SMAD4: variants seen among roughly 807,000 people sequenced by gnomAD.
The protein encoded by SMAD4 is SMAD family member 4.
SMAD4 carries 7 observed loss-of-function variants against 63.2 expected under a neutral mutation model. That is an observed-to-expected ratio of 0.11 (90% CI 0.06 to 0.21). The LOEUF is 0.21. Ranked by LOEUF, SMAD4 falls within the 10% of genes least tolerant of loss-of-function variation. SMAD4 has a pLI of 1.00. For missense variants in SMAD4, 312 were observed against 693.8 expected (o/e 0.45, Z 6.18); for synonymous variants, 215 against 235.4 (o/e 0.91, Z 0.79).
Position 51,058,462 on chromosome 18 carries a change from C to A in SMAD4, c.904+6C>A, listed in dbSNP as rs1909906368. On this transcript the variant is annotated splice_donor_region_variant and intron_variant, in intron 7 of 11. Transcript: ENST00000342988. ...GCCCCATCCCGGACATTACTGTAAG[C>A]TCTTGTTTTTGTTGTAAGGGCTATT... The A allele has an allele frequency of 6.3e-7, 1 of 1,592,882 alleles. No homozygotes were observed. The highest frequency in any genetic ancestry group is 8.6e-7 in the Non-Finnish European group (1 of 1,163,236).
intron 8 of SMAD4, among the ~76,000 whole-genome samples, chr18:51,061,812 C>A (rs1910023068): frequency 1.3e-5 from 2 of 152,062 alleles, no homozygotes; most frequent in South Asian, 4.2e-4. Flanking sequence ...ATGATTAATT[C>A]AAAGGGTCTT....
intron 1 of SMAD4, among the ~76,000 whole-genome samples, chr18:51,031,683 G>A (rs1042705989): frequency 3.3e-4 from 50 of 151,790 alleles, no homozygotes; most frequent in Non-Finnish European, 1.0e-4. Context: ...TTGGTTACTC[G>A]GGTGTTTTAA....
Position 51,041,897 on chromosome 18 carries a change from A to T in SMAD4, c.-127-5023A>T, listed in dbSNP as rs563638993. Reference sequence around the variant, plus strand: ...AGCATAGACTAGCCAATCCTGACTGATACGTTGTGCCAAGACCTAGGTTAC... The same window carrying T: ...AGCATAGACTAGCCAATCCTGACTGTTACGTTGTGCCAAGACCTAGGTTAC... On this transcript the variant is annotated intron_variant, in intron 1 of 11. Transcript: ENST00000342988. Among the ~76,000 whole-genome samples, 56 of 152,298 alleles carry T rather than the reference A, an allele frequency of 3.7e-4. 1 individual carries two copies. The highest frequency in any genetic ancestry group is 9.6e-5 in the African/African-American group (4 of 41,554).
chr18:51,034,429 A>G (rs1909144062), intron 1 of SMAD4, among the ~76,000 whole-genome samples: 1 of 152,032 alleles, frequency 6.6e-6, no homozygotes, highest in African/African-American at 2.4e-5. Context: ...TTGTATTATT[A>G]GTAGAGGACG....
chr18:51,069,760 G>A (rs1006319069), intron 10 of SMAD4, among the ~76,000 whole-genome samples: 2 of 152,154 alleles, frequency 1.3e-5, no homozygotes, highest in African/African-American at 2.4e-5. Context: ...TTCTGAATTG[G>A]CTGTATTTTA....
At chr18:51,035,890 G>C (rs1043884777) in intron 1 of SMAD4, among the ~76,000 whole-genome samples, 1 of 152,212 alleles carries the variant, frequency 6.6e-6, no homozygotes, top group Non-Finnish European at 1.5e-5. Flanking sequence ...TTCAGAATGG[G>C]AATGGAGTGG....
At chr18:51,035,067 A>G (rs1352679878) in intron 1 of SMAD4, among the ~76,000 whole-genome samples, 3 of 152,236 alleles carry the variant, frequency 2.0e-5, no homozygotes, top group Non-Finnish European at 2.9e-5. Context: ...ACACATGTAC[A>G]GTGTAGCCAT....
intron 11 of SMAD4, 51 bp from the exon 12 acceptor site, chr18:51,078,205 T>G (rs755403065): frequency 1.5e-5 from 21 of 1,397,954 alleles, no homozygotes; most frequent in Admixed American, 5.0e-5. Context: ...GTAGGGAGGA[T>G]GGGAAGAGAT....
intron 8 of SMAD4, among the ~76,000 whole-genome samples, chr18:51,060,299 A>T (rs536155866): frequency 2.0e-5 from 3 of 152,328 alleles, no homozygotes; most frequent in African/African-American, 7.2e-5. Flanking sequence ...AATTCACTCT[A>T]TTCAGGATCT....
intron 4 of SMAD4, chr18:51,051,374 C>G (rs1262144951): frequency 2.2e-6 from 1 of 456,086 alleles, no homozygotes; most frequent in African/African-American, 2.0e-5. Flanking sequence ...GTATTTCTCA[C>G]AGCTCCTTCT....
intron 7 of SMAD4, 112 bp from the exon 8 acceptor site, chr18:51,059,754 T>G (rs1909954545): frequency 3.7e-6 from 3 of 816,792 alleles, no homozygotes; most frequent in Non-Finnish European, 6.3e-6. Flanking sequence ...ATAAGCTTGT[T>G]TTAAACAATT....
rs754207663 is a variant in SMAD4 at position 51,047,302 on chromosome 18, C to T, written c.249+7C>T. On this transcript the variant is annotated splice_region_variant and intron_variant, in intron 2 of 11. Coordinates refer to ENST00000342988, the MANE Select transcript of SMAD4 (RefSeq NM_005359.6). ...ATTGGATGGGAGGCTTCAGGTTAGT[C>T]TTATAAGAGTTTTTCTATACCCTCT... is the stretch of plus-strand genomic sequence containing the variant. 3 of 1,610,220 alleles carry T rather than the reference C, an allele frequency of 1.9e-6. No homozygotes were observed. Among genetic ancestry groups the T allele is most frequent in the Non-Finnish European group, 2.5e-6 (3 of 1,177,744 alleles).
In SMAD4 at chr18:51,080,971, C is replaced by G. The variant is rs1010000171; in HGVS notation, c.*2504C>G. 4 of 201,074 alleles carry G rather than the reference C, an allele frequency of 2.0e-5. No homozygotes were observed. In the East Asian group the frequency reaches 3.1e-4, roughly 16 times the overall value. The allele number at this position is 201,074 out of a possible 1,614,324, so 12.5% of individuals were successfully genotyped here. On this transcript the variant is annotated 3_prime_UTR_variant, in exon 12 of 12. Coordinates refer to ENST00000342988, the MANE Select transcript of SMAD4 (RefSeq NM_005359.6). ...TGTCTTGGTTTCTTTCTACTAAGAGCCATAAAGTATAGAAATACTTCTAGT... is the reference window on the plus strand; with the variant it reads ...TGTCTTGGTTTCTTTCTACTAAGAGGCATAAAGTATAGAAATACTTCTAGT...
intron 8 of SMAD4, among the ~76,000 whole-genome samples, chr18:51,062,229 G>C (rs1449263154): frequency 6.6e-6 from 1 of 152,052 alleles, no homozygotes; most frequent in Non-Finnish European, 1.5e-5. Flanking sequence ...GTAGGTCAAG[G>C]GGTCTAGCCT....
intron 10 of SMAD4, among the ~76,000 whole-genome samples, chr18:51,073,384 TATATACACAC>T (rs1475058613): frequency 7.9e-4 from 68 of 85,728 alleles, no homozygotes; most frequent in African/African-American, 2.0e-3. Flanking sequence ...TATATATATA[TATATACACAC>T]ACACACACAC....
chr18:51,040,339 G>A (rs866747237), intron 1 of SMAD4, among the ~76,000 whole-genome samples: 1 of 151,470 alleles, frequency 6.6e-6, no homozygotes, highest in African/African-American at 2.4e-5. Flanking sequence ...CAGGAGAATC[G>A]CTTGAACCCA....
At chr18:51,073,388 T>TATATATATATATATATATATACACAC (rs1417299090) in intron 10 of SMAD4, among the ~76,000 whole-genome samples, 1 of 64,186 alleles carries the variant, frequency 1.6e-5, no homozygotes, top group African/African-American at 7.6e-5. Context: ...TATATATATA[T>TATATATATATATATATATATACACAC]ACACACACAC....
intron 5 of SMAD4, among the ~76,000 whole-genome samples, chr18:51,055,581 A>C (rs1909823414): frequency 6.6e-6 from 1 of 151,620 alleles, no homozygotes; most frequent in Non-Finnish European, 1.5e-5. Flanking sequence ...ATGTCATAGG[A>C]GGGAGAGGGG....
intron 1 of SMAD4, among the ~76,000 whole-genome samples, chr18:51,031,665 G>C (rs1325280601): frequency 6.6e-6 from 1 of 151,704 alleles, no homozygotes; most frequent in African/African-American, 2.4e-5. Flanking sequence ...TCTAGTCTTA[G>C]TAGCAGCTTG....
Sources: allele counts gnomAD v4.1 joint callset (sites outside exome capture counted in the v4.1 genomes callset), GRCh38; gene constraint gnomAD v4.1.1; transcripts MANE v1.5; gene names NCBI Gene and HGNC (gene_info 2026-07-23, HGNC 2026-07-21).